PCAT7: variants seen among roughly 807,000 people sequenced by gnomAD.
PCAT7 encodes the protein prostate cancer associated transcript 7 (non-protein coding).
At chr9:94,571,530 G>A (rs1827269115) in intron 2 of PCAT7, 1 of 1,613,948 alleles carries the variant, frequency 6.2e-7, no homozygotes. Context: ...CTACCGTACA[G>A]CGCATAACCT....
chr9:94,564,964 T>G (rs1392914673), intron 2 of PCAT7, among the ~76,000 whole-genome samples: 1 of 152,112 alleles, frequency 6.6e-6, no homozygotes, highest in Non-Finnish European at 1.5e-5. Context: ...AAAGAAATAA[T>G]AAATGTCTGA....
chr9:94,554,893 G>A (rs1045556798), upstream of PCAT7, among the ~76,000 whole-genome samples: 10 of 152,250 alleles, frequency 6.6e-5, no homozygotes, highest in Non-Finnish European at 1.2e-4. Context: ...CAGAAATGAC[G>A]CGCCGCTGCC....
intron 2 of PCAT7, among the ~76,000 whole-genome samples, chr9:94,572,450 G>A (rs777521431): frequency 5.9e-5 from 9 of 152,190 alleles, no homozygotes; most frequent in African/African-American, 1.4e-4. Context: ...TGTGATGTAC[G>A]TAGAAGCTTT....
chr9:94,569,384 A>G (rs184750770), intron 2 of PCAT7: 1 of 152,324 alleles, frequency 6.6e-6, no homozygotes, highest in Admixed American at 6.5e-5. Flanking sequence ...CTTTCACTTA[A>G]TTGAGCCGGG....
At chr9:94,558,868 T>G in intron 1 of PCAT7, 1 of 1,410,952 alleles carries the variant, frequency 7.1e-7, no homozygotes, top group Non-Finnish European at 1.0e-6. Flanking sequence ...ACCATCTCTG[T>G]TTATCGTTCA....
chr9:94,559,288 G>T, intron 2 of PCAT7: 1 of 650,304 alleles, frequency 1.5e-6, no homozygotes, highest in Non-Finnish European at 2.6e-6. Flanking sequence ...GAGCTTTAGA[G>T]CCTACAGCAG....
intron 2 of PCAT7, chr9:94,571,723 A>G: frequency 1.1e-6 from 1 of 896,088 alleles, no homozygotes; most frequent in Non-Finnish European, 1.6e-6. Flanking sequence ...TTGAATTTTA[A>G]GCTGCTGCAA....
chr9:94,559,047 A>G (rs749885713), exon 2 of PCAT7: 1 of 1,614,144 alleles, frequency 6.2e-7, no homozygotes, highest in Middle Eastern at 1.6e-4. Context: ...CTTCACGTCC[A>G]GTACAGGCTG....
At chr9:94,557,597 C>A (rs1428935707) in intron 1 of PCAT7, among the ~76,000 whole-genome samples, 2 of 152,222 alleles carry the variant, frequency 1.3e-5, no homozygotes, top group Admixed American at 6.5e-5. Flanking sequence ...CCACCCTGCC[C>A]AAGCTAAAGT....
chr9:94,571,496 G>A, intron 2 of PCAT7: 2 of 1,613,850 alleles, frequency 1.2e-6, no homozygotes, highest in Non-Finnish European at 8.5e-7. Context: ...GCCTTGCCCT[G>A]TGGAGAGAGC....
rs1445690465 is a variant in PCAT7 at position 94,563,339 on chromosome 9, T to C, written n.441+4187T>C. 5 of 1,613,478 alleles carry C rather than the reference T, an allele frequency of 3.1e-6. No homozygotes were observed. The South Asian group carries it at 4.4e-5, about 14-fold the overall frequency. On this transcript the variant is annotated intron_variant and non_coding_transcript_variant, in intron 2 of 8. Transcript: ENST00000647389. ...GCACAGCCAGTGGACAAGGGAGAAT[T>C]ACCTTGCCCTTAGGGCTCTTCTGGT... is the stretch of plus-strand genomic sequence containing the variant.
intron 3 of PCAT7, among the ~76,000 whole-genome samples, chr9:94,574,114 C>T (rs1425749837): frequency 3.3e-5 from 5 of 152,148 alleles, no homozygotes; most frequent in African/African-American, 1.2e-4. Flanking sequence ...TCTTTTTATC[C>T]TTTTGAAAAA....
At chr9:94,570,085 CTT>C (rs1054614008) in intron 2 of PCAT7, 1 of 152,226 alleles carries the variant, frequency 6.6e-6, no homozygotes, top group African/African-American at 2.4e-5. Context: ...TGGTTCATCT[CTT>C]CCTTCTGTCA....
intron 2 of PCAT7, chr9:94,563,492 C>T: frequency 1.2e-6 from 2 of 1,603,738 alleles, no homozygotes; most frequent in Non-Finnish European, 1.7e-6. Context: ...AGACAAGATC[C>T]AGTGGCTTTC....
At chr9:94,556,951 G>A (rs1427954365) in intron 1 of PCAT7, among the ~76,000 whole-genome samples, 1 of 152,170 alleles carries the variant, frequency 6.6e-6, no homozygotes, top group Non-Finnish European at 1.5e-5. Context: ...CTTCCCGAAT[G>A]TGTGTTCTTG....
At chr9:94,568,136 A>AAG (rs1379446607) in intron 2 of PCAT7, 2 of 151,430 alleles carry the variant, frequency 1.3e-5, no homozygotes, top group Non-Finnish European at 2.9e-5. Flanking sequence ...TCAAAAAAAA[A>AAG]AAAAATGTGT....
At chr9:94,564,706 T>C (rs1827160829) in intron 2 of PCAT7, among the ~76,000 whole-genome samples, 2 of 152,086 alleles carry the variant, frequency 1.3e-5, no homozygotes, top group Non-Finnish European at 2.9e-5. Flanking sequence ...AGATAAGTAT[T>C]GGATACCAGG....
At chr9:94,571,244 G>A (rs912284811) in intron 2 of PCAT7, among the ~76,000 whole-genome samples, 7 of 152,178 alleles carry the variant, frequency 4.6e-5, no homozygotes, top group African/African-American at 1.7e-4. Context: ...TGATGCAACT[G>A]GCTCTGCAGG....
chr9:94,559,278 G>A (rs567652458), intron 2 of PCAT7: 62 of 669,818 alleles, frequency 9.3e-5, no homozygotes, highest in African/African-American at 3.4e-4. Flanking sequence ...GAGTGGGCCC[G>A]AGCTTTAGAG....
Sources: allele counts gnomAD v4.1 joint callset (sites outside exome capture counted in the v4.1 genomes callset), GRCh38; gene constraint gnomAD v4.1.1; transcripts MANE v1.5; gene names NCBI Gene and HGNC (gene_info 2026-07-23, HGNC 2026-07-21).